The following MED13 variants were observed in gnomAD, a reference collection of about 807,000 sequenced individuals.
MED13 encodes the protein mediator of RNA polymerase II transcription subunit 13.
In MED13, 23 loss-of-function variants were observed where a neutral mutation model predicts 225.2. The observed-to-expected ratio is 0.10, with a 90% confidence interval of 0.07 to 0.14. The LOEUF (loss-of-function observed/expected upper bound fraction) is 0.14, where lower values mean the gene tolerates loss of function less well. Among genes scored for constraint, MED13 ranks in the 10% least tolerant of loss-of-function variants. The pLI, the probability that MED13 is intolerant of heterozygous loss-of-function variation, is 1.00. For missense variants in MED13, 2,197 were observed against 2,594.5 expected (o/e 0.85, Z 3.33); for synonymous variants, 942 against 889.2 (o/e 1.06, Z -1.06).
intron 9 of MED13, among the ~76,000 whole-genome samples, chr17:62,008,345 T>TAAAA (rs2080474433): frequency 9.8e-6 from 1 of 101,812 alleles, no homozygotes; most frequent in Non-Finnish European, 1.9e-5. Flanking sequence ...AAAAAAAAAT[T>TAAAA]GAGTTAGCCT....
At chr17:62,027,595 C>T (rs1224355703) in intron 8 of MED13, among the ~76,000 whole-genome samples, 1 of 152,128 alleles carries the variant, frequency 6.6e-6, no homozygotes, top group Non-Finnish European at 1.5e-5. Context: ...TCTAATTAAA[C>T]TAAAGAGCAT....
rs2143759425 is a variant in MED13 at position 62,052,519 on chromosome 17, G to A, written c.470+18C>T. 6.5e-7 allele frequency: 1 copy of A among 1,528,452 alleles called. No homozygotes were observed. The highest frequency in any genetic ancestry group is 2.3e-5 in the East Asian group (1 of 43,650). 94.7% of individuals were successfully genotyped at this position (1,528,452 alleles called of 1,614,324 possible). A position where few individuals can be genotyped will look rare whatever the true frequency, so the allele number is the denominator to read the frequency against. ...ACAAATCTAAAGAAATATCACGTCA[G>A]AATTTAAGATAGCTTACCTTTTATT... is the stretch of plus-strand genomic sequence containing the variant. On this transcript the variant is annotated intron_variant, in intron 3 of 29. Coordinates refer to ENST00000397786, the MANE Select transcript of MED13 (RefSeq NM_005121.3).
intron 2 of MED13, among the ~76,000 whole-genome samples, chr17:62,057,552 A>G (rs200551747): frequency 7.5e-6 from 1 of 132,988 alleles, no homozygotes; most frequent in Non-Finnish European, 1.7e-5. Flanking sequence ...GCACACAACA[A>G]TGTTTTAGTT....
At chr17:62,064,972 G>T (rs2081069752) in intron 1 of MED13, among the ~76,000 whole-genome samples, 168 bp downstream of exon 1, 1 of 152,206 alleles carries the variant, frequency 6.6e-6, no homozygotes, top group African/African-American at 2.4e-5. Flanking sequence ...CCGTAGGAGA[G>T]CGAACGCCGC....
intron 10 of MED13, among the ~76,000 whole-genome samples, chr17:61,992,963 C>T (rs1338244510): frequency 4.6e-5 from 7 of 152,118 alleles, no homozygotes; most frequent in Non-Finnish European, 1.0e-4. Context: ...GATGTGGTTT[C>T]ACCACATTGG....
At chr17:62,059,406 CCAT>C (rs1170739886) in intron 2 of MED13, among the ~76,000 whole-genome samples, 1 of 152,260 alleles carries the variant, frequency 6.6e-6, no homozygotes, top group Non-Finnish European at 1.5e-5. Flanking sequence ...AATATTATCA[CCAT>C]AATAAAAAAC....
rs2080060365 is a variant in MED13, at chr17:61,966,577, T to C, written c.4266A>G (p.Ala1422=). ...CCAACTTTTCTGATAGTTTCTTTGA[T>C]GCAGTAGATCCAACTCTCATGATCC... ...TDGIMRVGST[A]SKKLSEKLVA... is the part of the protein sequence containing the mutation. The change falls in exon 19 of 30, where the codon GCA becomes GCG. Residue 1422 remains alanine (A), a synonymous_variant. Coordinates refer to ENST00000397786, the MANE Select transcript of MED13 (RefSeq NM_005121.3). 4 of 1,613,986 alleles carry C rather than the reference T, an allele frequency of 2.5e-6. No individual in the cohort carries two copies. In the South Asian group the frequency reaches 4.4e-5, roughly 18 times the overall value.
At chr17:61,948,818 G>A (rs1218437048) in intron 28 of MED13, among the ~76,000 whole-genome samples, 1 of 151,286 alleles carries the variant, frequency 6.6e-6, no homozygotes, top group African/African-American at 2.4e-5. Context: ...CGGGCGCGGT[G>A]GCTCACGCCT....
chr17:62,021,165 G>A (rs933299467), intron 8 of MED13, among the ~76,000 whole-genome samples: 3 of 149,686 alleles, frequency 2.0e-5, no homozygotes, highest in South Asian at 2.1e-4. Flanking sequence ...CCACAAAACC[G>A]CCATTGTCAT....
intron 9 of MED13, among the ~76,000 whole-genome samples, chr17:61,997,976 A>C (rs1189283280): frequency 6.6e-6 from 1 of 152,244 alleles, no homozygotes. Flanking sequence ...ATTTTATTGA[A>C]TCATTCTCAC....
At position 61,943,965 on chromosome 17, in the gene MED13, A is replaced by G. The variant is rs145960183; in HGVS notation, c.*2503T>C. Reference sequence around the variant, plus strand: ...ACTACCCATATTTGTCTGTGACAGTACATTAGTAAGTCAAATCCATCATCC... The same window carrying G: ...ACTACCCATATTTGTCTGTGACAGTGCATTAGTAAGTCAAATCCATCATCC... On this transcript the variant is annotated 3_prime_UTR_variant, in exon 30 of 30. Transcript: ENST00000397786. 1 of 152,728 alleles carries G rather than the reference A, an allele frequency of 6.5e-6. No individual in the cohort carries two copies. Among genetic ancestry groups the G allele is most frequent in the African/African-American group, 2.4e-5 (1 of 41,592 alleles). 9.5% of individuals were successfully genotyped at this position (152,728 alleles called of 1,614,324 possible). A position where few individuals can be genotyped will look rare whatever the true frequency, so the allele number is the denominator to read the frequency against.
chr17:61,970,820 T>C (rs2080101943), intron 17 of MED13, among the ~76,000 whole-genome samples: 1 of 140,538 alleles, frequency 7.1e-6, no homozygotes, highest in Admixed American at 7.5e-5. Context: ...GGCCCAGGAG[T>C]TGGAGACCAG....
At chr17:62,044,653 C>T (rs2080883295) in intron 3 of MED13, among the ~76,000 whole-genome samples, 1 of 152,136 alleles carries the variant, frequency 6.6e-6, no homozygotes. Flanking sequence ...ACATATATAA[C>T]ATGTAATACT....
At chr17:62,034,785 T>C (rs919671474) in intron 4 of MED13, among the ~76,000 whole-genome samples, 1 of 152,148 alleles carries the variant, frequency 6.6e-6, no homozygotes, top group African/African-American at 2.4e-5. Context: ...TTTTTCATAG[T>C]ATAAATAGTA....
chr17:61,984,944 T>C, intron 13 of MED13, 56 bp downstream of exon 13: 1 of 1,598,350 alleles, frequency 6.3e-7, no homozygotes, highest in Non-Finnish European at 8.6e-7. Context: ...AGTGGGGAGC[T>C]TTGTTGAGAT....
At chr17:62,059,687 G>A (rs1360949402) in intron 2 of MED13, among the ~76,000 whole-genome samples, 1 of 152,214 alleles carries the variant, frequency 6.6e-6, no homozygotes, top group Non-Finnish European at 1.5e-5. Flanking sequence ...GGGTTAGCTA[G>A]AGAGACAGAG....
intron 8 of MED13, among the ~76,000 whole-genome samples, chr17:62,014,756 C>CAA (rs2080546671): frequency 1.3e-5 from 2 of 152,118 alleles, no homozygotes; most frequent in African/African-American, 4.8e-5. Context: ...TTCCTGGACT[C>CAA]AAGAGAGCCT....
At chr17:61,964,091 T>C (rs1247508105) in intron 20 of MED13, among the ~76,000 whole-genome samples, 1 of 152,210 alleles carries the variant, frequency 6.6e-6, no homozygotes, top group Non-Finnish European at 1.5e-5. Flanking sequence ...AGTGGGTCAA[T>C]AGTGACTTCT....
chr17:62,004,762 G>A (rs1349616014), intron 9 of MED13: 1 of 152,212 alleles, frequency 6.6e-6, no homozygotes. Context: ...TCACTGCTGT[G>A]TAGAGAATAC....
Sources: allele counts gnomAD v4.1 joint callset (sites outside exome capture counted in the v4.1 genomes callset), GRCh38; gene constraint gnomAD v4.1.1; transcripts MANE v1.5; gene names NCBI Gene and HGNC (gene_info 2026-07-23, HGNC 2026-07-21).